VCL: variants seen among roughly 807,000 people sequenced by gnomAD.
VCL encodes the protein vinculin, also known as epididymis luminal protein 114.
Under a neutral mutation model 125.7 loss-of-function variants are expected in VCL, and 47 were observed. The observed-to-expected ratio is 0.37, with a 90% CI of 0.30 to 0.48. VCL has a LOEUF of 0.48. Ranked by LOEUF, VCL falls within the 20% of genes least tolerant of loss-of-function variation. The pLI is 0.99. For synonymous variants in VCL, 458 were observed against 514.6 expected, an observed-to-expected ratio of 0.89 and a Z score of 1.49; for missense variants, 1,069 against 1,455.5, an observed-to-expected ratio of 0.73 and a Z score of 4.32.
intron 2 of VCL, among the ~76,000 whole-genome samples, chr10:74,054,306 C>A (rs567071245): frequency 1.6e-4 from 25 of 152,136 alleles, no homozygotes; most frequent in Non-Finnish European, 3.1e-4. Context: ...TATTTCAAAG[C>A]AATATTGTTA....
chr10:74,018,016 A>T (rs1034250730), intron 1 of VCL, among the ~76,000 whole-genome samples: 1 of 149,214 alleles, frequency 6.7e-6, no homozygotes, highest in African/African-American at 2.5e-5. Flanking sequence ...AAAATTAACT[A>T]GGCGTGGTGG....
Position 74,107,549 on chromosome 10 carries a change from T to G in VCL, c.2559+195T>G, listed in dbSNP as rs535500423. Reference sequence around the variant, plus strand: ...ATAACCTAGTGCTTATATGCATGGGTTGTGTGTGTGTGTGTAGTACTGGTG... The same window carrying G: ...ATAACCTAGTGCTTATATGCATGGGGTGTGTGTGTGTGTGTAGTACTGGTG... On this transcript the variant is annotated intron_variant, in intron 17 of 21. Coordinates refer to ENST00000211998, the MANE Select transcript of VCL (RefSeq NM_014000.3). 2.0e-5 allele frequency among the ~76,000 whole-genome samples: 3 copies of G among 151,180 alleles called. No homozygotes were observed. The South Asian group carries it at 6.3e-4, about 32-fold the overall frequency.
chr10:74,060,498 C>A (rs1451248182), intron 2 of VCL, among the ~76,000 whole-genome samples: 1 of 150,016 alleles, frequency 6.7e-6, no homozygotes, highest in Non-Finnish European at 1.5e-5. Flanking sequence ...ACGCAAAATA[C>A]AAAAAAAATT....
At chr10:74,053,298 G>A (rs966344091) in intron 2 of VCL, among the ~76,000 whole-genome samples, 5 of 152,102 alleles carry the variant, frequency 3.3e-5, no homozygotes, top group Admixed American at 6.5e-5. Context: ...GTCAACTTTG[G>A]TAGTCTGATA....
intron 16 of VCL, among the ~76,000 whole-genome samples, chr10:74,105,860 G>A (rs1020569014): frequency 3.4e-5 from 5 of 147,862 alleles, no homozygotes; most frequent in South Asian, 2.1e-4. Flanking sequence ...CAACCTCTGC[G>A]CTTTTTTAGT....
At chr10:74,055,925 G>T (rs993699254) in intron 2 of VCL, among the ~76,000 whole-genome samples, 1 of 152,112 alleles carries the variant, frequency 6.6e-6, no homozygotes, top group Admixed American at 6.6e-5. Context: ...GGTTATTCAG[G>T]TTTTAAAGGA....
chr10:74,096,531 C>T (rs1839972348), intron 12 of VCL, among the ~76,000 whole-genome samples: 2 of 152,072 alleles, frequency 1.3e-5, no homozygotes, highest in Admixed American at 1.3e-4. Flanking sequence ...GTTTATGCTG[C>T]CCACCTTGCA....
intron 6 of VCL, among the ~76,000 whole-genome samples, chr10:74,080,520 G>A (rs1364846873): frequency 6.6e-6 from 1 of 152,150 alleles, no homozygotes; most frequent in East Asian, 1.9e-4. Flanking sequence ...TTCAATGCAT[G>A]TCAGTTGAAT....
Position 74,058,921 on chromosome 10 carries a change from G to A in VCL, c.240-11749G>A, listed in dbSNP as rs138812928. On this transcript the variant is annotated intron_variant, in intron 2 of 21. Transcript: ENST00000211998. ...TGTGTGTGTGTGCGTGTGCACGTGC[G>A]TATGCGTGAGAGAGAGAGAGAAAGA... Among the ~76,000 whole-genome samples, 863 of 152,184 alleles carry A rather than the reference G, an allele frequency of 5.7e-3. 6 individuals are homozygous for A. Among genetic ancestry groups the A allele is most frequent in the African/African-American group, 0.02 (813 of 41,524 alleles).
chr10:74,009,554 C>T (rs769809247), intron 1 of VCL, among the ~76,000 whole-genome samples: 8 of 152,040 alleles, frequency 5.3e-5, no homozygotes, highest in Non-Finnish European at 8.8e-5. Context: ...CCACCGCGCC[C>T]GGCTTTAATT....
intron 10 of VCL, among the ~76,000 whole-genome samples, chr10:74,092,825 ATC>A (rs897792353): frequency 4.6e-5 from 7 of 152,124 alleles, no homozygotes; most frequent in Non-Finnish European, 8.8e-5. Context: ...GGGTTTAACA[ATC>A]TGTATTTAAA....
At chr10:74,060,133 C>CA (rs1219560759) in intron 2 of VCL, among the ~76,000 whole-genome samples, 1 of 151,774 alleles carries the variant, frequency 6.6e-6, no homozygotes, top group Non-Finnish European at 1.5e-5. Context: ...CCTGTCTCTA[C>CA]AAAAAATATA....
chr10:74,013,039 G>A (rs187576763), intron 1 of VCL, among the ~76,000 whole-genome samples: 1 of 152,118 alleles, frequency 6.6e-6, no homozygotes, highest in Admixed American at 6.5e-5. Context: ...GCAAATATTG[G>A]CTCTGCTGTG....
At chr10:74,043,885 A>C (rs1385724011) in intron 2 of VCL, among the ~76,000 whole-genome samples, 5 of 152,088 alleles carry the variant, frequency 3.3e-5, no homozygotes, top group Admixed American at 2.0e-4. Flanking sequence ...AGGAGGGTGG[A>C]TCACCTCAGG....
chr10:74,105,365 A>G lies in VCL; in HGVS notation c.2434+12A>G, dbSNP rs1260900624. The stretch of plus-strand genomic sequence containing the variant: ...CATTTCCGACCCTGGTAAGCAATGC[A>G]TGGCACTATGTCTCACCTCCACTGA... On this transcript the variant is annotated intron_variant, in intron 16 of 21. Coordinates refer to ENST00000211998, the MANE Select transcript of VCL (RefSeq NM_014000.3). The G allele has an allele frequency of 6.2e-7, 1 of 1,611,944 alleles. No individual in the cohort carries two copies. Among genetic ancestry groups the G allele is most frequent in the Non-Finnish European group, 8.5e-7 (1 of 1,179,912 alleles).
At chr10:74,035,243 C>T (rs989798702) in intron 1 of VCL, among the ~76,000 whole-genome samples, 21 of 150,272 alleles carry the variant, frequency 1.4e-4, no homozygotes, top group African/African-American at 5.1e-4. Context: ...ACCAGCCAAC[C>T]TTTTTTTTCT....
At position 74,103,810 on chromosome 10, in the gene VCL, T is replaced by C; in HGVS notation, c.2023-10T>C. On this transcript the variant is annotated splice_polypyrimidine_tract_variant and intron_variant, in intron 14 of 21. Coordinates refer to ENST00000211998, the MANE Select transcript of VCL (RefSeq NM_014000.3). ...TGCTCTGGTGTTTAAAGGTGTTTTG[T>C]CATTGTCAGGTGGTCTCGGCTGCTC... 1.2e-6 allele frequency: 2 copies of C among 1,613,762 alleles called. No homozygotes were observed. The highest frequency in any genetic ancestry group is 1.7e-6 in the Non-Finnish European group (2 of 1,179,664).
chr10:74,053,479 A>G (rs1296826160), intron 2 of VCL, among the ~76,000 whole-genome samples: 1 of 151,956 alleles, frequency 6.6e-6, no homozygotes, highest in Non-Finnish European at 1.5e-5. Context: ...TTAGAGATTT[A>G]TCTGTCTTAC....
At chr10:74,112,136 G>T in intron 19 of VCL, 24 bp downstream of exon 19, 1 of 1,614,010 alleles carries the variant, frequency 6.2e-7, no homozygotes, top group South Asian at 1.1e-5. Flanking sequence ...CCCCCAGTTG[G>T]GGGCTGCTCC....
Sources: gnomAD v4.1 joint callset for allele counts (sites outside exome capture counted in the v4.1 genomes callset) on GRCh38, gnomAD v4.1.1 for gene constraint, MANE v1.5 for transcripts, NCBI Gene and HGNC (gene_info 2026-07-23, HGNC 2026-07-21) for gene names.